The following CTNNBL1 variants were observed in gnomAD, a reference collection of about 807,000 sequenced individuals.
CTNNBL1 encodes the protein beta-catenin-like protein 1.
In CTNNBL1, 31 loss-of-function variants were observed where a neutral mutation model predicts 72.7. The observed-to-expected ratio is 0.43, with a 90% CI of 0.32 to 0.58. CTNNBL1 has a LOEUF of 0.58. Ranked by LOEUF, CTNNBL1 falls within the 20% of genes least tolerant of loss-of-function variation. The pLI is 0.08. For synonymous variants in CTNNBL1, 240 were observed against 267.3 expected (o/e 0.90, Z 1.00); for missense variants, 534 against 725.1 (o/e 0.74, Z 3.03).
chr20:37,772,002 A>C (rs1307395647), intron 7 of CTNNBL1, among the ~76,000 whole-genome samples: 1 of 152,104 alleles, frequency 6.6e-6, no homozygotes, highest in Non-Finnish European at 1.5e-5. Flanking sequence ...GTTCTCTTGC[A>C]AGAGTTGGCC....
intron 10 of CTNNBL1, among the ~76,000 whole-genome samples, chr20:37,787,460 T>A (rs915043941): frequency 6.8e-6 from 1 of 147,624 alleles, no homozygotes; most frequent in African/African-American, 2.5e-5. Flanking sequence ...TTCTCCTGCC[T>A]CAGCCTCCCA....
intron 6 of CTNNBL1, among the ~76,000 whole-genome samples, chr20:37,767,659 T>A (rs2073482463): frequency 6.6e-6 from 1 of 152,210 alleles, no homozygotes; most frequent in African/African-American, 2.4e-5. Context: ...CTTAGGTAGA[T>A]ACCCACCCTT....
At chr20:37,793,217 A>G (rs1221777692) in intron 10 of CTNNBL1, among the ~76,000 whole-genome samples, 2 of 152,220 alleles carry the variant, frequency 1.3e-5, no homozygotes, top group East Asian at 3.8e-4. Flanking sequence ...TTATTGAGAG[A>G]AGAATATTGA....
At chr20:37,843,051 T>C (rs2072318250) in intron 13 of CTNNBL1, among the ~76,000 whole-genome samples, 1 of 151,980 alleles carries the variant, frequency 6.6e-6, no homozygotes, top group Non-Finnish European at 1.5e-5. Context: ...TCTGTGTTTT[T>C]CACCTCCTTC....
chr20:37,695,133 A>G (rs1266739438), intron 1 of CTNNBL1: 1 of 151,456 alleles, frequency 6.6e-6, no homozygotes, highest in African/African-American at 2.4e-5. Context: ...TACATTGGTT[A>G]TTGGTCATAT....
intron 13 of CTNNBL1, among the ~76,000 whole-genome samples, chr20:37,855,928 G>C (rs955288005): frequency 5.9e-5 from 9 of 151,634 alleles, no homozygotes; most frequent in Non-Finnish European, 1.0e-4. Context: ...ATACTGTTTG[G>C]CAAATGCTTT....
At chr20:37,847,803 G>A (rs1049373348) in intron 13 of CTNNBL1, 19 of 152,622 alleles carry the variant, frequency 1.2e-4, no homozygotes, top group Admixed American at 1.1e-3. Flanking sequence ...GCACCGTAAT[G>A]ACTTACAAAT....
intron 15 of CTNNBL1, among the ~76,000 whole-genome samples, chr20:37,867,817 T>TG (rs2072548936): frequency 1.3e-5 from 2 of 152,162 alleles, no homozygotes; most frequent in South Asian, 2.1e-4. Flanking sequence ...CAGAGGTAGC[T>TG]GGCACCACCA....
At chr20:37,761,314 CT>C (rs1040854579) in intron 5 of CTNNBL1, among the ~76,000 whole-genome samples, 14 of 152,220 alleles carry the variant, frequency 9.2e-5, no homozygotes, top group African/African-American at 3.4e-4. Context: ...TGCCAGGGGA[CT>C]ACCCTCCATA....
chr20:37,709,327 A>G (rs182931346), intron 1 of CTNNBL1, among the ~76,000 whole-genome samples: 1 of 152,160 alleles, frequency 6.6e-6, no homozygotes, highest in African/African-American at 2.4e-5. Context: ...AATACATAAA[A>G]TTGAGGGTTG....
chr20:37,737,273 G>C, intron 2 of CTNNBL1, 105 bp from the exon 3 acceptor site: 1 of 768,322 alleles, frequency 1.3e-6, no homozygotes, highest in South Asian at 1.7e-5. Context: ...AACCCAGAAA[G>C]GTCAATGGCA....
intron 1 of CTNNBL1, among the ~76,000 whole-genome samples, chr20:37,724,885 C>T (rs900180670): frequency 2.7e-5 from 4 of 150,130 alleles, no homozygotes; most frequent in African/African-American, 7.3e-5. Flanking sequence ...AATGGAAGTC[C>T]GAGGGCGGGT....
intron 4 of CTNNBL1, among the ~76,000 whole-genome samples, chr20:37,755,470 C>G (rs972218864): frequency 1.3e-5 from 2 of 152,160 alleles, no homozygotes; most frequent in Non-Finnish European, 2.9e-5. Flanking sequence ...GCATGAAGGA[C>G]TTTTGTCCAA....
At chr20:37,772,480 C>T (rs1216252017) in intron 7 of CTNNBL1, among the ~76,000 whole-genome samples, 1 of 152,210 alleles carries the variant, frequency 6.6e-6, no homozygotes, top group African/African-American at 2.4e-5. Context: ...TCCTGAGTAG[C>T]TAGGACTACA....
intron 10 of CTNNBL1, among the ~76,000 whole-genome samples, chr20:37,797,520 G>A (rs2073788248): frequency 6.6e-6 from 1 of 151,974 alleles, no homozygotes; most frequent in Non-Finnish European, 1.5e-5. Context: ...ATTAATTACT[G>A]CACATAGATT....
intron 1 of CTNNBL1, among the ~76,000 whole-genome samples, chr20:37,723,602 T>A (rs1444842368): frequency 6.6e-6 from 1 of 152,236 alleles, no homozygotes; most frequent in Non-Finnish European, 1.5e-5. Flanking sequence ...AGGTGTAATA[T>A]GTATTTATAT....
intron 11 of CTNNBL1, among the ~76,000 whole-genome samples, chr20:37,820,689 C>A (rs1331990367): frequency 6.6e-6 from 1 of 152,168 alleles, no homozygotes; most frequent in African/African-American, 2.4e-5. Flanking sequence ...CTCCTGCCAC[C>A]TTGTGAAGAA....
intron 11 of CTNNBL1, among the ~76,000 whole-genome samples, chr20:37,828,192 G>A (rs148901803): frequency 6.6e-6 from 1 of 152,106 alleles, no homozygotes; most frequent in African/African-American, 2.4e-5. Flanking sequence ...ACTGAGACGC[G>A]GGCCTGGCCT....
In CTNNBL1 at chr20:37,732,898, G is replaced by C; in HGVS notation, c.50G>C (p.Arg17Pro). 1 of 1,613,712 alleles carries C rather than the reference G, an allele frequency of 6.2e-7. No homozygotes were observed. Among genetic ancestry groups the C allele is most frequent in the Non-Finnish European group, 8.5e-7 (1 of 1,179,980 alleles). The change falls in exon 2 of 16, where the codon CGT becomes CCT. Residue 17 changes from arginine to proline, a missense_variant. Coordinates refer to ENST00000361383, the MANE Select transcript of CTNNBL1 (RefSeq NM_030877.5). ...TCTCAGCCCAATAGGGGCACAAAAC[G>C]TCCCCGGGATGATGAAGAGGAGGAG... ...LSYQPNRGTK[R>P]PRDDEEEEQK...
Sources: gnomAD v4.1 joint callset for allele counts (sites outside exome capture counted in the v4.1 genomes callset) on GRCh38, gnomAD v4.1.1 for gene constraint, MANE v1.5 for transcripts, NCBI Gene and HGNC (gene_info 2026-07-23, HGNC 2026-07-21) for gene names.